ALK: variants seen among roughly 807,000 people sequenced by gnomAD.
ALK encodes the protein ALK receptor tyrosine kinase, also known as ALK tyrosine kinase receptor.
Under a neutral mutation model 163.1 loss-of-function variants are expected in ALK, and 74 were observed. The observed-to-expected ratio is 0.45, with a 90% CI of 0.38 to 0.55. The LOEUF (loss-of-function observed/expected upper bound fraction) is 0.55. ALK is among the 20% of genes least tolerant of loss of function. The probability of loss-of-function intolerance (pLI) is 0.00; values close to 1 mark genes in which losing one functional copy is unlikely to be tolerated. For missense variants in ALK, 2,063 were observed against 2,105.3 expected, an observed-to-expected ratio of 0.98 and a Z score of 0.39; for synonymous variants, 960 against 843.2, an observed-to-expected ratio of 1.14 and a Z score of -2.40.
At chr2:29,405,695 A>C (rs774411575) in intron 4 of ALK, among the ~76,000 whole-genome samples, 2 of 152,202 alleles carry the variant, frequency 1.3e-5, no homozygotes, top group Non-Finnish European at 2.9e-5. Context: ...GGAGAGGCAG[A>C]GAGGTGATAA....
intron 3 of ALK, among the ~76,000 whole-genome samples, chr2:29,678,277 ACTG>A (rs1285793227): frequency 6.6e-6 from 1 of 151,596 alleles, no homozygotes; most frequent in African/African-American, 2.4e-5. Context: ...GATTCTTACT[ACTG>A]CTTTTTTATT....
At chr2:29,816,055 T>C (rs1376050957) in intron 1 of ALK, among the ~76,000 whole-genome samples, 1 of 152,268 alleles carries the variant, frequency 6.6e-6, no homozygotes, top group Non-Finnish European at 1.5e-5. Flanking sequence ...GAGGCGCTGG[T>C]AGAAAACTGC....
intron 3 of ALK, among the ~76,000 whole-genome samples, chr2:29,589,034 C>A: frequency 6.6e-6 from 1 of 152,140 alleles, no homozygotes; most frequent in East Asian, 1.9e-4. Flanking sequence ...ATTTATATAG[C>A]CTGAACACAC....
chr2:29,799,403 AC>A (rs1445742764), intron 1 of ALK, among the ~76,000 whole-genome samples: 1 of 152,194 alleles, frequency 6.6e-6, no homozygotes, highest in African/African-American at 2.4e-5. Flanking sequence ...GCAGTGGCTC[AC>A]ACCTATAATC....
At chr2:29,884,293 C>A (rs1666936797) in intron 1 of ALK, among the ~76,000 whole-genome samples, 1 of 152,118 alleles carries the variant, frequency 6.6e-6, no homozygotes, top group South Asian at 2.1e-4. Context: ...CCTTTAATAA[C>A]ACCATGGGAC....
intron 1 of ALK, among the ~76,000 whole-genome samples, chr2:29,916,154 A>G (rs72798448): frequency 0.027 from 4,035 of 152,230 alleles, 152 homozygotes; most frequent in East Asian, 0.17. Context: ...TCTGACCCAC[A>G]TCTCACCTGA....
chr2:29,318,844 G>T (rs890967012), intron 7 of ALK, among the ~76,000 whole-genome samples: 1 of 152,152 alleles, frequency 6.6e-6, no homozygotes, highest in Non-Finnish European at 1.5e-5. Context: ...GGGATTACAG[G>T]CATGAGCCAC....
chr2:29,888,600 C>G (rs910372197), intron 1 of ALK, among the ~76,000 whole-genome samples: 2 of 152,162 alleles, frequency 1.3e-5, no homozygotes, highest in African/African-American at 4.8e-5. Flanking sequence ...AATGCACGCT[C>G]CAGCTTACCT....
At chr2:29,641,238 GA>G (rs1408996456) in intron 3 of ALK, among the ~76,000 whole-genome samples, 1 of 151,800 alleles carries the variant, frequency 6.6e-6, no homozygotes, top group Non-Finnish European at 1.5e-5. Flanking sequence ...GCTGCTGTGT[GA>G]AAAAAAAGGA....
At chr2:29,656,281 G>T (rs766160426) in intron 3 of ALK, among the ~76,000 whole-genome samples, 1 of 152,080 alleles carries the variant, frequency 6.6e-6, no homozygotes, top group Non-Finnish European at 1.5e-5. Context: ...GAATGGTAGA[G>T]GGACTGACTG....
At chr2:29,290,419 G>C (rs573105316) in intron 9 of ALK, among the ~76,000 whole-genome samples, 1 of 152,234 alleles carries the variant, frequency 6.6e-6, no homozygotes, top group Non-Finnish European at 1.5e-5. Context: ...CAGTAGGCGA[G>C]TGATGTCTGC....
At chr2:29,468,894 A>G (rs1404162493) in intron 4 of ALK, among the ~76,000 whole-genome samples, 2 of 147,880 alleles carry the variant, frequency 1.4e-5, no homozygotes, top group African/African-American at 4.9e-5. Flanking sequence ...CTAGCACACC[A>G]AAGAACTACA....
chr2:29,667,451 T>C (rs947575200), intron 3 of ALK, among the ~76,000 whole-genome samples: 4 of 152,092 alleles, frequency 2.6e-5, no homozygotes, highest in African/African-American at 9.7e-5. Context: ...AGCTGTGGGT[T>C]TCTCACATAT....
intron 4 of ALK, among the ~76,000 whole-genome samples, chr2:29,490,807 A>G (rs557927373): frequency 3.0e-4 from 46 of 152,374 alleles, no homozygotes; most frequent in Non-Finnish European, 5.3e-4. Flanking sequence ...AACACATGAA[A>G]TAACCATCTC....
chr2:29,862,625 C>T (rs1375875292), intron 1 of ALK, among the ~76,000 whole-genome samples: 4 of 151,908 alleles, frequency 2.6e-5, no homozygotes, highest in Non-Finnish European at 5.9e-5. Flanking sequence ...TTAAATAAAA[C>T]ACAAATAAAT....
At chr2:29,468,727 G>T (rs1671273020) in intron 4 of ALK, among the ~76,000 whole-genome samples, 1 of 151,134 alleles carries the variant, frequency 6.6e-6, no homozygotes, top group Admixed American at 6.6e-5. Context: ...GGCAGCATGT[G>T]CCTGTGGTCC....
At chr2:29,844,789 T>C (rs1246380860) in intron 1 of ALK, among the ~76,000 whole-genome samples, 1 of 152,050 alleles carries the variant, frequency 6.6e-6, no homozygotes, top group Non-Finnish European at 1.5e-5. Context: ...AGTTTAAAAG[T>C]ATGTGTTTGA....
rs368122868 is a variant in ALK, at chr2:29,383,824, T to A, written c.1190A>T (p.Asp397Val). ...TTCCAGGGCCACTCGAAATGGGTTG[T>A]CTGGACGCCCGATTCTTCCCTGGAG... ...TVLQGRIGRP[D>V]NPFRVALEYI... is the part of the protein sequence containing the mutation. The change falls in exon 5 of 29, where the codon GAC (aspartate) becomes GTC (valine). Residue 397 changes from aspartate (D) to valine (V), a missense_variant. Coordinates refer to ENST00000389048, the MANE Select transcript of ALK (RefSeq NM_004304.5). 15 of 1,614,042 alleles carry A rather than the reference T, an allele frequency of 9.3e-6. No individual in the cohort carries two copies. In the African/African-American group the frequency reaches 1.2e-4, roughly 13 times the overall value.
chr2:29,258,820 G>A (rs1274218060), intron 11 of ALK, among the ~76,000 whole-genome samples: 1 of 152,120 alleles, frequency 6.6e-6, no homozygotes, highest in Non-Finnish European at 1.5e-5. Context: ...TTCCTCAAAA[G>A]CCCTGATTTC....
Sources: gnomAD v4.1 joint callset for allele counts (sites outside exome capture counted in the v4.1 genomes callset) on GRCh38, gnomAD v4.1.1 for gene constraint, MANE v1.5 for transcripts, NCBI Gene and HGNC (gene_info 2026-07-23, HGNC 2026-07-21) for gene names.